SCAF11: variants seen among roughly 807,000 people sequenced by gnomAD.
SCAF11 encodes the protein SR-related CTD associated factor 11.
SCAF11 carries 47 observed loss-of-function variants against 140.5 expected under a neutral mutation model. The observed-to-expected ratio is 0.33, with a 90% CI of 0.26 to 0.43. The LOEUF (loss-of-function observed/expected upper bound fraction) is 0.43. SCAF11 is among the 20% of genes least tolerant of loss of function. The probability of loss-of-function intolerance (pLI) is 1.00; values close to 1 mark genes in which losing one functional copy is unlikely to be tolerated. For synonymous variants in SCAF11, 557 were observed against 579.4 expected, an observed-to-expected ratio of 0.96 and a Z score of 0.55; for missense variants, 1,645 against 1,705.1, an observed-to-expected ratio of 0.96 and a Z score of 0.62.
At position 45,920,184 on chromosome 12, in the gene SCAF11, G is replaced by A. The variant is rs562777738; in HGVS notation, c.*1864C>T. On this transcript the variant is annotated 3_prime_UTR_variant, in exon 15 of 15. Transcript: ENST00000369367. ...GTAGAATAAAGGTCAAAAACTGCTT[G>A]GAAATATTTTTATGATTACACTCAT... is the stretch of plus-strand genomic sequence containing the variant. 6.6e-6 allele frequency: 1 copy of A among 152,148 alleles called. No homozygotes were observed. Among genetic ancestry groups the A allele is most frequent in the East Asian group, 1.9e-4 (1 of 5,174 alleles). 9.4% of individuals were successfully genotyped at this position (152,148 alleles called of 1,614,324 possible).
Position 45,926,567 on chromosome 12 carries a change from G to A in SCAF11, c.3134C>T (p.Ser1045Phe), listed in dbSNP as rs145570738. The change falls in exon 11 of 15, where the codon TCT becomes TTT. Residue 1045 changes from serine to phenylalanine, a missense_variant. Coordinates refer to ENST00000369367, the MANE Select transcript of SCAF11 (RefSeq NM_004719.3). ...RTRNPEKLKE[S>F]HWEENRNENS... ...TTCATTTCTATTTTCTTCCCAATGAGACTCTTTCAACTTTTCTGGATTTCT... is the reference window on the plus strand; with the variant it reads ...TTCATTTCTATTTTCTTCCCAATGAAACTCTTTCAACTTTTCTGGATTTCT... 2.5e-6 allele frequency: 4 copies of A among 1,613,278 alleles called. No individual in the cohort carries two copies. The South Asian group carries it at 3.3e-5, about 13-fold the overall frequency.
intron 6 of SCAF11, among the ~76,000 whole-genome samples, chr12:45,936,975 TC>T (rs60309540): frequency 0.094 from 14,303 of 152,112 alleles, 2,252 homozygotes; most frequent in African/African-American, 0.32. Context: ...ACCCCAATCC[TC>T]TATGTGGTCT....
At position 45,926,670 on chromosome 12, in the gene SCAF11, T is replaced by G; in HGVS notation, c.3031A>C (p.Asn1011His). The G allele has an allele frequency of 6.2e-7, 1 of 1,613,894 alleles. No homozygotes were observed. Among genetic ancestry groups the G allele is most frequent in the Non-Finnish European group, 8.5e-7 (1 of 1,180,016 alleles). ...NDIHLDADDP[N>H]SADKHRNDCP... The stretch of plus-strand genomic sequence containing the variant: ...TCATTTCTATGTTTGTCAGCAGAAT[T>G]TGGATCATCAGCATCTAGATGGATG... The change falls in exon 11 of 15, where the codon AAT (asparagine) becomes CAT (histidine). Residue 1011 changes from asparagine to histidine, a missense_variant. Coordinates refer to ENST00000369367, the MANE Select transcript of SCAF11 (RefSeq NM_004719.3).
intron 1 of SCAF11, among the ~76,000 whole-genome samples, chr12:45,972,973 TA>T (rs1946140546): frequency 7.0e-6 from 1 of 143,192 alleles, no homozygotes; most frequent in Non-Finnish European, 1.5e-5. Context: ...TATATATAGA[TA>T]TATAGATATA....
Position 45,928,009 on chromosome 12 carries a change from T to C in SCAF11, c.1692A>G (p.Val564=), listed in dbSNP as rs146737902. Residue 564 remains valine (V), a synonymous_variant, in exon 11 of 15, where the codon GTA becomes GTG. Coordinates refer to ENST00000369367, the MANE Select transcript of SCAF11 (RefSeq NM_004719.3). The part of the protein sequence containing the change: ...LTSESKVYQP[V]SCPLSDLSEN... Reference sequence around the variant, plus strand: ...CAGATAAGTCACTTAGGGGACAAGATACAGGTTGGTACACTTTGCTTTCAG... The same window carrying C: ...CAGATAAGTCACTTAGGGGACAAGACACAGGTTGGTACACTTTGCTTTCAG... The C allele has an allele frequency of 9.0e-5, 145 of 1,613,222 alleles. 1 individual carries two copies. In the African/African-American group the frequency reaches 1.3e-3, roughly 15 times the overall value.
chr12:45,945,882 A>T (rs920846117), intron 5 of SCAF11, among the ~76,000 whole-genome samples: 2 of 151,710 alleles, frequency 1.3e-5, no homozygotes, highest in Non-Finnish European at 2.9e-5. Context: ...ACTAGACACG[A>T]GGTCTCACTA....
intron 3 of SCAF11, among the ~76,000 whole-genome samples, chr12:45,959,715 C>T (rs1386388866): frequency 2.6e-5 from 4 of 152,150 alleles, no homozygotes; most frequent in Non-Finnish European, 5.9e-5. Flanking sequence ...AAAACTTAGT[C>T]TACATGATTT....
chr12:45,990,427 C>G lies in SCAF11; in HGVS notation c.-96G>C, dbSNP rs924020003. 2.2e-4 allele frequency: 275 copies of G among 1,232,040 alleles called. No homozygotes were observed. Among genetic ancestry groups the G allele is most frequent in the Non-Finnish European group, 2.7e-4 (265 of 988,390 alleles). 76.3% of individuals were successfully genotyped at this position (1,232,040 alleles called of 1,614,324 possible). A position where few individuals can be genotyped will look rare whatever the true frequency, so the allele number is the denominator to read the frequency against. On this transcript the variant is annotated 5_prime_UTR_variant, in exon 1 of 15. Transcript: ENST00000369367. ...TCCCAGGTCCCAGTCACTCCGCTGCCAAGTTCCCCAACATGGACTCCTTCG... is the reference window on the plus strand; with the variant it reads ...TCCCAGGTCCCAGTCACTCCGCTGCGAAGTTCCCCAACATGGACTCCTTCG...
chr12:45,945,357 G>A (rs772857844), intron 5 of SCAF11, 44 bp from the exon 6 acceptor site: 13 of 1,156,212 alleles, frequency 1.1e-5, no homozygotes, highest in Non-Finnish European at 1.6e-5. Flanking sequence ...GAAAAAAACT[G>A]TCATTTTGCT....
chr12:45,970,758 T>TA (rs1397715026), intron 1 of SCAF11, among the ~76,000 whole-genome samples: 1 of 152,358 alleles, frequency 6.6e-6, no homozygotes, highest in East Asian at 1.9e-4. Flanking sequence ...ATCTTGTGCT[T>TA]ACCAGATAAA....
chr12:45,988,551 A>G (rs140805444), intron 1 of SCAF11, among the ~76,000 whole-genome samples: 12 of 152,342 alleles, frequency 7.9e-5, no homozygotes, highest in African/African-American at 2.9e-4. Flanking sequence ...CGATCTTAAC[A>G]CACTAGCCCT....
Position 45,927,797 on chromosome 12 carries a change from A to G in SCAF11, c.1904T>C (p.Leu635Pro), listed in dbSNP as rs200035348. Residue 635 changes from leucine (L) to proline (P), a missense_variant, in exon 11 of 15, where the codon CTT (leucine) becomes CCT (proline). Leu to Pro is a moderately conservative substitution (Grantham distance 98, BLOSUM62 -3). Transcript: ENST00000369367. Reference sequence around the variant, plus strand: ...TACATCTTCAGTTTCAACATGCCCAAGCAATTGAACCTCTGGGCTCTTAAC... The same window carrying G: ...TACATCTTCAGTTTCAACATGCCCAGGCAATTGAACCTCTGGGCTCTTAAC... Reference protein sequence around the residue: ...QSVKSPEVQLLGHVETEDVEI... With the variant: ...QSVKSPEVQLPGHVETEDVEI... 64 of 1,613,524 alleles carry G rather than the reference A, an allele frequency of 4.0e-5. 1 individual carries two copies. The South Asian group carries it at 6.4e-4, about 16-fold the overall frequency.
chr12:45,985,037 A>C (rs1284288545), intron 1 of SCAF11, among the ~76,000 whole-genome samples: 1 of 152,166 alleles, frequency 6.6e-6, no homozygotes, highest in African/African-American at 2.4e-5. Context: ...CTCACCTTGT[A>C]CTTTCCCTGC....
intron 11 of SCAF11, among the ~76,000 whole-genome samples, chr12:45,925,364 CCAA>C (rs1944833651): frequency 6.6e-6 from 1 of 151,952 alleles, no homozygotes; most frequent in African/African-American, 2.4e-5. Context: ...AGCAGCCTGG[CCAA>C]CATGGTGAAA....
In SCAF11 at chr12:45,928,297, T is replaced by C. The variant is rs1944947405; in HGVS notation, c.1404A>G (p.Glu468=). 1 of 1,613,976 alleles carries C rather than the reference T, an allele frequency of 6.2e-7. No homozygotes were observed. The highest frequency in any genetic ancestry group is 8.5e-7 in the Non-Finnish European group (1 of 1,179,966). ...EKHTANYDTE[E]RVGSSSSESC... ...ACTCAGAAGATGAAGATCCTACTCT[T>C]TCCTCTGTATCATAATTTGCAGTAT... Residue 468 remains glutamate, a synonymous_variant, in exon 11 of 15, where the codon GAA becomes GAG. Transcript: ENST00000369367.
At chr12:45,944,975 A>G in intron 6 of SCAF11, 2 of 402,830 alleles carry the variant, frequency 5.0e-6, no homozygotes, top group South Asian at 3.4e-5. Flanking sequence ...AGGCCACAGT[A>G]TGAGCTGGTC....
chr12:45,941,371 C>G (rs1945298015), intron 6 of SCAF11, among the ~76,000 whole-genome samples: 1 of 152,182 alleles, frequency 6.6e-6, no homozygotes, highest in Non-Finnish European at 1.5e-5. Flanking sequence ...TCACCACAAA[C>G]CAAACATATG....
intron 6 of SCAF11, among the ~76,000 whole-genome samples, chr12:45,942,417 G>A (rs891911269): frequency 1.3e-5 from 2 of 152,112 alleles, no homozygotes; most frequent in Non-Finnish European, 2.9e-5. Flanking sequence ...ACTCTTATTC[G>A]TCTATGATTT....
In SCAF11 at chr12:45,923,104, C is replaced by A. The variant is rs752970411; in HGVS notation, c.3957G>T (p.Leu1319Phe). Residue 1319 changes from leucine to phenylalanine, a missense_variant, in exon 13 of 15, where the codon TTG becomes TTT. Physicochemically the swap from Leu to Phe is conservative, Grantham distance 22 (BLOSUM62 0). Transcript: ENST00000369367. Reference sequence around the variant, plus strand: ...TTCCTGGGGCTGCTGTCGGAGCAGGCAAAACTGGTGTACTCATGTTATTAC... The same window carrying A: ...TTCCTGGGGCTGCTGTCGGAGCAGGAAAAACTGGTGTACTCATGTTATTAC... ...HVSNNMSTPV[L>F]PAPTAAPGNT... 2 of 1,614,022 alleles carry A rather than the reference C, an allele frequency of 1.2e-6. No individual in the cohort carries two copies. The highest frequency in any genetic ancestry group is 1.3e-5 in the African/African-American group (1 of 74,960).
Sources: allele counts gnomAD v4.1 joint callset (sites outside exome capture counted in the v4.1 genomes callset), GRCh38; gene constraint gnomAD v4.1.1; transcripts MANE v1.5; gene names NCBI Gene and HGNC (gene_info 2026-07-23, HGNC 2026-07-21).